Variants in IMMP2L observed in about 807,000 individuals in gnomAD.
IMMP2L encodes inner mitochondrial membrane peptidase subunit 2.
A neutral mutation model predicts 19.3 loss-of-function variants in IMMP2L; 18 were observed. The ratio of observed to expected loss-of-function variants is 0.93; its 90% confidence interval spans 0.64 to 1.38. IMMP2L has a LOEUF of 1.38. IMMP2L is among the 40% of genes most tolerant of loss of function. The pLI is 0.00. For missense variants in IMMP2L, 233 were observed against 218.2 expected, an observed-to-expected ratio of 1.07 and a Z score of -0.43; for synonymous variants, 76 against 73.0, an observed-to-expected ratio of 1.04 and a Z score of -0.21.
intron 3 of IMMP2L, among the ~76,000 whole-genome samples, chr7:111,436,872 G>A (rs1432719422): frequency 1.3e-5 from 2 of 151,842 alleles, no homozygotes. Context: ...AGAAGGTGAA[G>A]GGGGTGCAGG....
At chr7:111,527,018 T>C (rs1464722548) in intron 1 of IMMP2L, among the ~76,000 whole-genome samples, 3 of 152,154 alleles carry the variant, frequency 2.0e-5, no homozygotes, top group Admixed American at 6.5e-5. Context: ...TCTCCTACAT[T>C]ACTTCTACTC....
At chr7:111,509,186 A>T (rs1845216887) in intron 2 of IMMP2L, among the ~76,000 whole-genome samples, 1 of 152,172 alleles carries the variant, frequency 6.6e-6, no homozygotes, top group Non-Finnish European at 1.5e-5. Flanking sequence ...TAGTATTTAC[A>T]GAGTTTGTTA....
intron 3 of IMMP2L, among the ~76,000 whole-genome samples, chr7:111,216,673 A>G (rs1323791988): frequency 6.6e-6 from 1 of 152,150 alleles, no homozygotes; most frequent in African/African-American, 2.4e-5. Context: ...TGTACCCTTA[A>G]AGTGGAATTT....
intron 3 of IMMP2L, among the ~76,000 whole-genome samples, chr7:111,113,471 C>T (rs1001567636): frequency 6.6e-6 from 1 of 152,002 alleles, no homozygotes; most frequent in African/African-American, 2.4e-5. Context: ...AAGCATAAGG[C>T]AGCATACTTG....
At chr7:111,480,065 G>A (rs997486911) in intron 3 of IMMP2L, among the ~76,000 whole-genome samples, 1 of 151,528 alleles carries the variant, frequency 6.6e-6, no homozygotes, top group Non-Finnish European at 1.5e-5. Context: ...TGCTGTTAAG[G>A]ACTGTCTTAA....
chr7:111,555,315 G>C (rs912548544), intron 1 of IMMP2L, among the ~76,000 whole-genome samples: 4 of 152,126 alleles, frequency 2.6e-5, no homozygotes, highest in Non-Finnish European at 5.9e-5. Flanking sequence ...GACGTAGTGA[G>C]AGCAAGACAG....
chr7:111,497,851 T>C (rs1843739633), intron 2 of IMMP2L, among the ~76,000 whole-genome samples: 1 of 151,870 alleles, frequency 6.6e-6, no homozygotes, highest in Non-Finnish European at 1.5e-5. Context: ...GTCAATACTG[T>C]AATGACTTGA....
intron 3 of IMMP2L, among the ~76,000 whole-genome samples, chr7:111,288,710 A>G (rs1256596657): frequency 6.6e-6 from 1 of 152,204 alleles, no homozygotes; most frequent in African/African-American, 2.4e-5. Context: ...AATGAAAACC[A>G]CAATGAGATA....
At chr7:111,333,909 C>T (rs574652356) in intron 3 of IMMP2L, among the ~76,000 whole-genome samples, 6 of 152,132 alleles carry the variant, frequency 3.9e-5, no homozygotes, top group Middle Eastern at 3.4e-3. Context: ...TAATAAACTC[C>T]GCTTTATATA....
intron 3 of IMMP2L, among the ~76,000 whole-genome samples, chr7:111,427,170 G>A (rs550332859): frequency 6.9e-6 from 1 of 145,104 alleles, no homozygotes; most frequent in East Asian, 1.9e-4. Context: ...AGTGGCTGAG[G>A]ATAGAAATAT....
At chr7:110,878,053 C>A (rs1327149962) in intron 5 of IMMP2L, among the ~76,000 whole-genome samples, 1 of 152,158 alleles carries the variant, frequency 6.6e-6, no homozygotes, top group African/African-American at 2.4e-5. Context: ...GACAAGCTTT[C>A]TCAGCTTGGA....
chr7:111,237,543 T>C (rs1586969684), intron 3 of IMMP2L, among the ~76,000 whole-genome samples: 2 of 152,136 alleles, frequency 1.3e-5, no homozygotes, highest in East Asian at 3.9e-4. Flanking sequence ...ATATTAATTT[T>C]AATAACCATA....
intron 5 of IMMP2L, among the ~76,000 whole-genome samples, chr7:110,847,789 G>T (rs1037827861): frequency 1.3e-5 from 2 of 152,084 alleles, no homozygotes; most frequent in Non-Finnish European, 2.9e-5. Flanking sequence ...AAGGAATGAA[G>T]GTAAGTCAAT....
At chr7:110,951,555 G>C (rs1817835840) in intron 4 of IMMP2L, among the ~76,000 whole-genome samples, 1 of 151,772 alleles carries the variant, frequency 6.6e-6, no homozygotes, top group South Asian at 2.1e-4. Flanking sequence ...GTGTGTGTGT[G>C]TGTGTGTATG....
intron 5 of IMMP2L, among the ~76,000 whole-genome samples, chr7:110,816,160 G>A (rs559457945): frequency 7.2e-5 from 11 of 152,220 alleles, no homozygotes; most frequent in African/African-American, 2.4e-4. Flanking sequence ...ATACTGGTAT[G>A]TTGTGTTTTT....
rs1291743265 is a variant in IMMP2L, at chr7:110,902,696, G to A, written c.306-16001C>T. ...TCCCAGCACTTTGGGAGGCCGAGGC[G>A]GGCGGATCACGAGGTCAGGAGATCG... On this transcript the variant is annotated intron_variant, in intron 4 of 5. Transcript: ENST00000405709. Among the ~76,000 whole-genome samples, 6 of 101,440 alleles carry A rather than the reference G, an allele frequency of 5.9e-5. 1 individual carries two copies. Among genetic ancestry groups the A allele is most frequent in the South Asian group, 1.0e-3 (2 of 1,958 alleles). 66.5% of individuals were successfully genotyped at this position (101,440 alleles called of 152,430 possible).
chr7:110,918,194 C>T (rs556764948), intron 4 of IMMP2L, among the ~76,000 whole-genome samples: 1 of 152,206 alleles, frequency 6.6e-6, no homozygotes, highest in South Asian at 2.1e-4. Flanking sequence ...TTAGATGTCT[C>T]AAAACACAGA....
chr7:111,233,437 A>G (rs1813936234), intron 3 of IMMP2L, among the ~76,000 whole-genome samples: 1 of 152,146 alleles, frequency 6.6e-6, no homozygotes, highest in East Asian at 1.9e-4. Context: ...GGAAATAGTC[A>G]TATAAAATCA....
intron 3 of IMMP2L, among the ~76,000 whole-genome samples, chr7:111,453,604 T>C (rs1021130481): frequency 1.3e-5 from 2 of 152,122 alleles, no homozygotes; most frequent in Non-Finnish European, 2.9e-5. Context: ...ATGCTACCAA[T>C]AGAAGAGGAT....
Sources: allele counts gnomAD v4.1 joint callset (sites outside exome capture counted in the v4.1 genomes callset), GRCh38; gene constraint gnomAD v4.1.1; transcripts MANE v1.5; gene names NCBI Gene and HGNC (gene_info 2026-07-23, HGNC 2026-07-21).